Variants in ADAM12 observed in about 807,000 individuals in gnomAD.
ADAM12 encodes the protein ADAM metallopeptidase domain 12.
ADAM12 carries 70 observed loss-of-function variants against 106.4 expected under a neutral mutation model. That is an observed-to-expected ratio of 0.66 (90% CI 0.54 to 0.80). ADAM12 has a LOEUF of 0.80. ADAM12 is among the 30% of genes least tolerant of loss of function. The pLI is 0.00. For missense variants in ADAM12, 1,010 were observed against 1,171.9 expected (o/e 0.86, Z 2.02); for synonymous variants, 420 against 433.5 (o/e 0.97, Z 0.39).
At chr10:126,130,544 T>C (rs1216042802) in intron 5 of ADAM12, among the ~76,000 whole-genome samples, 1 of 152,208 alleles carries the variant, frequency 6.6e-6, no homozygotes. Context: ...TATTCTTTTC[T>C]GCCAAATTTA....
At chr10:126,259,989 T>C (rs1005816740) in intron 3 of ADAM12, among the ~76,000 whole-genome samples, 4 of 152,204 alleles carry the variant, frequency 2.6e-5, no homozygotes, top group African/African-American at 9.6e-5. Context: ...GAATGATTTG[T>C]GGATGTGCAA....
At chr10:126,098,644 T>C (rs1955601971) in intron 9 of ADAM12, 144 bp from the exon 10 acceptor site, 2 of 666,626 alleles carry the variant, frequency 3.0e-6, no homozygotes, top group Non-Finnish European at 5.0e-6. Context: ...TGTGATTTTA[T>C]CTTTTTTCCC....
chr10:126,322,607 C>A (rs1026546247), intron 2 of ADAM12, among the ~76,000 whole-genome samples: 4 of 152,184 alleles, frequency 2.6e-5, no homozygotes, highest in African/African-American at 9.6e-5. Context: ...CGGTGAGGGA[C>A]AGGAGAGAGG....
chr10:126,169,538 C>T (rs915399870), intron 3 of ADAM12, among the ~76,000 whole-genome samples: 1 of 152,102 alleles, frequency 6.6e-6, no homozygotes, highest in Non-Finnish European at 1.5e-5. Flanking sequence ...ATAATAGAAT[C>T]ATTATTGACT....
intron 4 of ADAM12, among the ~76,000 whole-genome samples, chr10:126,150,438 CA>C (rs1446840875): frequency 6.6e-6 from 1 of 152,188 alleles, no homozygotes; most frequent in East Asian, 1.9e-4. Context: ...ATGACAAACT[CA>C]ACACAGACAA....
intron 3 of ADAM12, among the ~76,000 whole-genome samples, chr10:126,273,829 G>A (rs115941664): frequency 0.014 from 2,061 of 152,276 alleles, 55 homozygotes; most frequent in African/African-American, 0.047. Flanking sequence ...ATTAACATGA[G>A]CTATAATCTT....
At chr10:126,095,295 G>A (rs551328315) in intron 10 of ADAM12, among the ~76,000 whole-genome samples, 3 of 149,436 alleles carry the variant, frequency 2.0e-5, no homozygotes, top group East Asian at 1.9e-4. Context: ...AGCACTTTGC[G>A]AGGCTGAGGC....
At chr10:126,217,525 G>A (rs753901477) in intron 3 of ADAM12, among the ~76,000 whole-genome samples, 7 of 151,656 alleles carry the variant, frequency 4.6e-5, no homozygotes, top group Non-Finnish European at 1.5e-5. Context: ...GCACCACCAT[G>A]CCCAGCTAAT....
chr10:126,312,364 A>G (rs943443861), intron 2 of ADAM12, among the ~76,000 whole-genome samples: 4 of 152,148 alleles, frequency 2.6e-5, no homozygotes, highest in Non-Finnish European at 5.9e-5. Context: ...TCTGTCTTCC[A>G]CAAGCTCCAG....
intron 4 of ADAM12, among the ~76,000 whole-genome samples, chr10:126,149,222 C>T (rs1408630652): frequency 1.3e-5 from 2 of 152,214 alleles, no homozygotes; most frequent in African/African-American, 2.4e-5. Flanking sequence ...AGCACAGAGT[C>T]CCGCACCACA....
chr10:126,333,579 G>A (rs1321576450), intron 1 of ADAM12, among the ~76,000 whole-genome samples: 1 of 152,212 alleles, frequency 6.6e-6, no homozygotes, highest in African/African-American at 2.4e-5. Flanking sequence ...TGACTTTGGG[G>A]AAGTTCAGGA....
chr10:126,072,977 T>A (rs1185869656), intron 11 of ADAM12, among the ~76,000 whole-genome samples: 2 of 152,232 alleles, frequency 1.3e-5, no homozygotes, highest in African/African-American at 4.8e-5. Context: ...TTTGAGATCA[T>A]GCTGATTTCC....
chr10:126,263,031 T>C (rs1284968094), intron 3 of ADAM12, among the ~76,000 whole-genome samples: 2 of 152,188 alleles, frequency 1.3e-5, no homozygotes, highest in South Asian at 2.1e-4. Flanking sequence ...CTCAGCACCA[T>C]GTGGAAGGAG....
At chr10:126,185,470 C>A (rs1428497168) in intron 3 of ADAM12, among the ~76,000 whole-genome samples, 1 of 133,418 alleles carries the variant, frequency 7.5e-6, no homozygotes, top group Non-Finnish European at 1.5e-5. Flanking sequence ...ATCTTGATTT[C>A]TGTTAACATC....
At chr10:126,329,835 C>T (rs1424968576) in intron 2 of ADAM12, among the ~76,000 whole-genome samples, 1 of 152,204 alleles carries the variant, frequency 6.6e-6, no homozygotes, top group Non-Finnish European at 1.5e-5. Context: ...AGATTTTTAT[C>T]ACTTTCCAAC....
intron 2 of ADAM12, among the ~76,000 whole-genome samples, chr10:126,290,745 T>A (rs968207193): frequency 1.3e-5 from 2 of 152,192 alleles, no homozygotes; most frequent in Non-Finnish European, 2.9e-5. Context: ...ACTGAGGGCC[T>A]ATTTATGAGC....
chr10:126,381,603 C>A (rs1221461815), intron 1 of ADAM12, among the ~76,000 whole-genome samples: 1 of 152,180 alleles, frequency 6.6e-6, no homozygotes, highest in East Asian at 1.9e-4. Flanking sequence ...TCAAGCGATT[C>A]TCCTGCCTCA....
chr10:126,029,452 GC>G (rs1287217426), intron 21 of ADAM12, among the ~76,000 whole-genome samples: 1 of 152,164 alleles, frequency 6.6e-6, no homozygotes, highest in African/African-American at 2.4e-5. Flanking sequence ...CATGGATGGA[GC>G]TGGAGGCCAT....
At chr10:126,172,308 G>A (rs886881168) in intron 3 of ADAM12, among the ~76,000 whole-genome samples, 2 of 152,118 alleles carry the variant, frequency 1.3e-5, no homozygotes, top group African/African-American at 4.8e-5. Flanking sequence ...TCAGAGCATT[G>A]TTTGACCTGG....
Sources: gnomAD v4.1 joint callset for allele counts (sites outside exome capture counted in the v4.1 genomes callset) on GRCh38, gnomAD v4.1.1 for gene constraint, MANE v1.5 for transcripts, NCBI Gene and HGNC (gene_info 2026-07-23, HGNC 2026-07-21) for gene names.